PRKN: variants seen among roughly 807,000 people sequenced by gnomAD.
The protein encoded by PRKN is E3 ubiquitin-protein ligase parkin.
In PRKN, 56 loss-of-function variants were observed where a neutral mutation model predicts 59.5. That is an observed-to-expected ratio of 0.94 (90% confidence interval 0.76 to 1.18). The LOEUF (loss-of-function observed/expected upper bound fraction) is 1.18, where lower values mean the gene tolerates loss of function less well. Among genes scored for constraint, PRKN ranks in the 50% most tolerant of loss-of-function variants. The pLI, the probability that PRKN is intolerant of heterozygous loss-of-function variation, is 0.00. For missense variants in PRKN, 657 were observed against 596.4 expected, an observed-to-expected ratio of 1.10 and a Z score of -1.06; for synonymous variants, 250 against 222.1, an observed-to-expected ratio of 1.13 and a Z score of -1.12.
At chr6:161,384,952 A>T (rs1054097188) in intron 10 of PRKN, among the ~76,000 whole-genome samples, 11 of 152,240 alleles carry the variant, frequency 7.2e-5, no homozygotes, top group African/African-American at 2.6e-4. Flanking sequence ...GGGGGTGGGG[A>T]TGGAGTCTCA....
intron 2 of PRKN, among the ~76,000 whole-genome samples, chr6:162,368,154 G>A (rs757794424): frequency 6.6e-6 from 1 of 152,206 alleles, no homozygotes; most frequent in Admixed American, 6.5e-5. Context: ...TTGCGGAGCA[G>A]CACAAAGGGC....
chr6:161,641,678 C>A (rs1249060819), intron 7 of PRKN, among the ~76,000 whole-genome samples: 3 of 152,158 alleles, frequency 2.0e-5, no homozygotes, highest in Admixed American at 1.3e-4. Flanking sequence ...GCAAGGAGAA[C>A]CCATTGGGCA....
intron 9 of PRKN, among the ~76,000 whole-genome samples, chr6:161,443,630 A>G (rs7770642): frequency 0.14 from 21,530 of 152,200 alleles, 1,772 homozygotes; most frequent in African/African-American, 0.21. Context: ...TGGACAGTAC[A>G]TACTGCAATT....
intron 7 of PRKN, among the ~76,000 whole-genome samples, chr6:161,676,321 T>C (rs1319503478): frequency 2.0e-5 from 3 of 152,194 alleles, no homozygotes; most frequent in Admixed American, 6.5e-5. Flanking sequence ...TGGAGTTCAA[T>C]AGATCAATGA....
intron 6 of PRKN, among the ~76,000 whole-genome samples, chr6:161,884,146 C>T (rs542935886): frequency 6.6e-6 from 1 of 152,238 alleles, no homozygotes; most frequent in South Asian, 2.1e-4. Flanking sequence ...TTATTTACCA[C>T]GTGGACACAG....
At chr6:162,119,438 G>C (rs1274961996) in intron 4 of PRKN, among the ~76,000 whole-genome samples, 1 of 152,170 alleles carries the variant, frequency 6.6e-6, no homozygotes, top group Non-Finnish European at 1.5e-5. Flanking sequence ...AGACACAACT[G>C]TGCCAACTAC....
intron 1 of PRKN, chr6:162,694,864 T>G (rs989868273): frequency 5.3e-5 from 8 of 152,226 alleles, no homozygotes; most frequent in Admixed American, 5.2e-4. Context: ...TGTCCTTGCC[T>G]GGATGTTCTG....
intron 7 of PRKN, among the ~76,000 whole-genome samples, chr6:161,695,118 G>A (rs552770895): frequency 2.0e-5 from 3 of 152,230 alleles, no homozygotes; most frequent in Admixed American, 1.3e-4. Flanking sequence ...ACCAGCCCCA[G>A]GACTGTGGAC....
At chr6:162,235,001 G>A (rs1307037752) in intron 3 of PRKN, among the ~76,000 whole-genome samples, 1 of 152,162 alleles carries the variant, frequency 6.6e-6, no homozygotes, top group African/African-American at 2.4e-5. Flanking sequence ...TTATGGCAGT[G>A]ACATTTTTAC....
chr6:162,177,781 T>C (rs12205861), intron 4 of PRKN, among the ~76,000 whole-genome samples: 55,141 of 151,972 alleles, frequency 0.36, 10,088 homozygotes, highest in Middle Eastern at 0.5. Context: ...CACTGGGACA[T>C]TTGAATCCAG....
At chr6:162,461,187 C>T (rs1188859301) in intron 1 of PRKN, among the ~76,000 whole-genome samples, 2 of 132,024 alleles carry the variant, frequency 1.5e-5, no homozygotes, top group East Asian at 5.6e-4. Flanking sequence ...CGTACCACAC[C>T]AAATGTTTTA....
intron 6 of PRKN, among the ~76,000 whole-genome samples, chr6:161,855,445 T>TA (rs1447136110): frequency 6.6e-6 from 1 of 152,216 alleles, no homozygotes; most frequent in Non-Finnish European, 1.5e-5. Flanking sequence ...TGAATATATC[T>TA]AAAAATCATT....
At position 161,562,522 on chromosome 6, in the gene PRKN, T is replaced by C. The variant is rs2115462659; in HGVS notation, c.933+6833A>G. 6.6e-6 allele frequency among the ~76,000 whole-genome samples: 1 copy of C among 152,308 alleles called. No individual in the cohort carries two copies. The highest frequency in any genetic ancestry group is 1.5e-5 in the Non-Finnish European group (1 of 68,006). ...TAAAATTTCCTCTACATGCTGGTAATTCCAAAGTTATCTCTCCATCTCGGA... is the reference window on the plus strand; with the variant it reads ...TAAAATTTCCTCTACATGCTGGTAACTCCAAAGTTATCTCTCCATCTCGGA... On this transcript the variant is annotated intron_variant, in intron 8 of 11. Transcript: ENST00000366898. The surrounding 1 kb of genome is among the most constrained non-coding windows in gnomAD (Gnocchi z 4.3).
intron 3 of PRKN, among the ~76,000 whole-genome samples, chr6:162,259,312 T>C (rs900172144): frequency 3.3e-5 from 5 of 152,210 alleles, no homozygotes; most frequent in Admixed American, 2.6e-4. Flanking sequence ...ACAGGTAGGA[T>C]CCATAATTGT....
chr6:161,564,899 T>A (rs1280444173), intron 8 of PRKN, among the ~76,000 whole-genome samples: 1 of 152,244 alleles, frequency 6.6e-6, no homozygotes, highest in Non-Finnish European at 1.5e-5. Context: ...AGGCCTCCTC[T>A]GACCTCGTCG....
intron 1 of PRKN, among the ~76,000 whole-genome samples, chr6:162,493,632 G>A (rs1562328775): frequency 6.6e-6 from 1 of 152,142 alleles, no homozygotes; most frequent in African/African-American, 2.4e-5. Context: ...AGATAAATGG[G>A]GAATACTGAA....
Position 162,035,240 on chromosome 6 carries a change from A to C in PRKN, c.618+18851T>G, listed in dbSNP as rs189099439. ...GCAAGAACTCATCAAGTGAGAATTC[A>C]CTCATTACCTTGAGGAGGCACCAAG... On this transcript the variant is annotated intron_variant, in intron 5 of 11. Coordinates refer to ENST00000366898, the MANE Select transcript of PRKN (RefSeq NM_004562.3). 2.0e-3 allele frequency among the ~76,000 whole-genome samples: 302 copies of C among 152,150 alleles called. 1 individual carries two copies. Among genetic ancestry groups the C allele is most frequent in the African/African-American group, 6.9e-3 (286 of 41,520 alleles).
At chr6:161,762,242 A>G (rs1789233354) in intron 7 of PRKN, among the ~76,000 whole-genome samples, 1 of 152,238 alleles carries the variant, frequency 6.6e-6, no homozygotes, top group African/African-American at 2.4e-5. Flanking sequence ...CTCAATTAGC[A>G]TAAGACAGTG....
At chr6:162,673,189 A>C (rs2128230709) in intron 1 of PRKN, among the ~76,000 whole-genome samples, 1 of 152,326 alleles carries the variant, frequency 6.6e-6, no homozygotes, top group African/African-American at 2.4e-5. Context: ...GTAAACACTG[A>C]ATGATAGTGC....
Sources: allele counts gnomAD v4.1 joint callset (sites outside exome capture counted in the v4.1 genomes callset), GRCh38; gene constraint gnomAD v4.1.1; non-coding constraint Gnocchi (gnomAD v3.1); transcripts MANE v1.5; gene names NCBI Gene and HGNC (gene_info 2026-07-23, HGNC 2026-07-21).